The following SORCS1 variants were observed in gnomAD, a reference collection of about 807,000 sequenced individuals.
SORCS1 encodes sortilin related VPS10 domain containing receptor 1, also known as VPS10 domain-containing receptor SorCS1.
In SORCS1, 60 loss-of-function variants were observed where a neutral mutation model predicts 146.1. The ratio of observed to expected loss-of-function variants is 0.41; its 90% CI spans 0.33 to 0.51. The LOEUF (loss-of-function observed/expected upper bound fraction) is 0.51, where lower values mean the gene tolerates loss of function less well. Ranked by LOEUF, SORCS1 falls within the 20% of genes least tolerant of loss-of-function variation. SORCS1 has a pLI of 0.21. For synonymous variants in SORCS1, 637 were observed against 584.0 expected, an observed-to-expected ratio of 1.09 and a Z score of -1.31; for missense variants, 1,352 against 1,487.6, an observed-to-expected ratio of 0.91 and a Z score of 1.50.
intron 1 of SORCS1, among the ~76,000 whole-genome samples, chr10:107,095,693 G>A (rs1240824943): frequency 1.3e-5 from 2 of 151,992 alleles, no homozygotes; most frequent in Admixed American, 6.6e-5. Flanking sequence ...CACTCTATAT[G>A]TAAGGGCCAG....
At chr10:107,038,087 T>C (rs1958983013) in intron 1 of SORCS1, among the ~76,000 whole-genome samples, 1 of 152,174 alleles carries the variant, frequency 6.6e-6, no homozygotes, top group Non-Finnish European at 1.5e-5. Context: ...CCTCCCAGTG[T>C]GCTGGGATTA....
chr10:106,760,706 CACTA>C (rs879474291), intron 5 of SORCS1, among the ~76,000 whole-genome samples: 2,583 of 121,870 alleles, frequency 0.021, 43 homozygotes, highest in Admixed American at 0.061. Flanking sequence ...CACACACACA[CACTA>C]ACACACACAC....
At chr10:107,006,911 C>T (rs767688481) in intron 1 of SORCS1, among the ~76,000 whole-genome samples, 5 of 140,868 alleles carry the variant, frequency 3.5e-5, no homozygotes, top group Non-Finnish European at 5.9e-5. Context: ...TTTCATTTTT[C>T]AATGATTATA....
intron 1 of SORCS1, among the ~76,000 whole-genome samples, chr10:106,986,511 CGTGTGTGTGTGTGTGTGTGT>C (rs58888609): frequency 1.7e-4 from 25 of 148,426 alleles, no homozygotes; most frequent in African/African-American, 5.2e-4. Flanking sequence ...TATATACAAC[CGTGTGTGTGTGTGTGTGTGT>C]GTGTGTGTGT....
rs1846771936 is a variant in SORCS1, at chr10:106,608,723, A to G, written c.3034-1426T>C. 2.6e-5 allele frequency among the ~76,000 whole-genome samples: 4 copies of G among 152,334 alleles called. No individual in the cohort carries two copies. The East Asian group carries it at 7.7e-4, about 29-fold the overall frequency. ...TCCTCAGGAAGCTGACTCTGAGTTT[A>G]GCATGCAGGATGTTTACTAAGAAGT... On this transcript the variant is annotated intron_variant, in intron 22 of 25. Coordinates refer to ENST00000263054, the MANE Select transcript of SORCS1 (RefSeq NM_052918.5).
intron 21 of SORCS1, among the ~76,000 whole-genome samples, chr10:106,612,892 GTTC>G (rs908994691): frequency 2.3e-4 from 35 of 151,946 alleles, no homozygotes; most frequent in African/African-American, 8.2e-4. Flanking sequence ...TGCACACACC[GTTC>G]TTCTGCCTAG....
intron 18 of SORCS1, among the ~76,000 whole-genome samples, chr10:106,646,876 T>C (rs933942813): frequency 6.6e-6 from 1 of 151,516 alleles, no homozygotes; most frequent in Non-Finnish European, 1.5e-5. Flanking sequence ...GTGTCTCATT[T>C]GTCATAAAGT....
At position 107,164,110 on chromosome 10, in the gene SORCS1, C is replaced by G; in HGVS notation, c.417G>C (p.Glu139Asp). ...RGVLRDGGQQ[E>D]PGTRERDPDK... is the part of the protein sequence containing the mutation. ...CCGGGTCCCGCTCCCGAGTCCCAGG[C>G]TCCTGCTGCCCTCCATCTCTTAGCA... The change falls in exon 1 of 26, where the codon GAG becomes GAC. Residue 139 changes from glutamate (E) to aspartate (D), a missense_variant. By Grantham distance (45) the Glu-to-Asp change is conservative. Coordinates refer to ENST00000263054, the MANE Select transcript of SORCS1 (RefSeq NM_052918.5). The surrounding 1 kb of genome is among the most constrained non-coding windows in gnomAD (Gnocchi z 6.8). The G allele has an allele frequency of 6.2e-7, 1 of 1,613,880 alleles. No individual in the cohort carries two copies. The highest frequency in any genetic ancestry group is 1.1e-5 in the South Asian group (1 of 91,076).
At chr10:106,772,973 TG>T (rs1224135606) in intron 4 of SORCS1, among the ~76,000 whole-genome samples, 2 of 151,882 alleles carry the variant, frequency 1.3e-5, no homozygotes, top group Non-Finnish European at 2.9e-5. Context: ...GGAAAATAAA[TG>T]TGGCTATGTG....
At position 107,023,211 on chromosome 10, in the gene SORCS1, C is replaced by T. The variant is rs556305723; in HGVS notation, c.559-66631G>A. Among the ~76,000 whole-genome samples, 4 of 152,332 alleles carry T rather than the reference C, an allele frequency of 2.6e-5. No homozygotes were observed. The South Asian group carries it at 8.3e-4, about 32-fold the overall frequency. Reference sequence around the variant, plus strand: ...GCCACATGGTGTGCTATTGCAGAATCAGGACCCAACCCCAGGGCTTTTTAT... The same window carrying T: ...GCCACATGGTGTGCTATTGCAGAATTAGGACCCAACCCCAGGGCTTTTTAT... On this transcript the variant is annotated intron_variant, in intron 1 of 25. Transcript: ENST00000263054.
chr10:106,711,230 A>C (rs77724759), intron 6 of SORCS1, among the ~76,000 whole-genome samples: 2,901 of 152,306 alleles, frequency 0.019, 34 homozygotes, highest in Non-Finnish European at 0.03. Flanking sequence ...TTTTGAGTAT[A>C]AAAAAGGAGT....
At chr10:106,954,936 C>T (rs1954861989) in intron 2 of SORCS1, among the ~76,000 whole-genome samples, 1 of 152,362 alleles carries the variant, frequency 6.6e-6, no homozygotes, top group East Asian at 1.9e-4. Flanking sequence ...ACCCACCCAA[C>T]AGCGAGTGAG....
chr10:106,769,647 T>G (rs1859855362), intron 4 of SORCS1, among the ~76,000 whole-genome samples: 1 of 152,306 alleles, frequency 6.6e-6, no homozygotes, highest in Middle Eastern at 3.4e-3. Flanking sequence ...GAACTAAAAT[T>G]AGTTCTTTTT....
intron 17 of SORCS1, among the ~76,000 whole-genome samples, chr10:106,665,308 G>A (rs940763272): frequency 3.3e-5 from 5 of 151,838 alleles, no homozygotes; most frequent in Admixed American, 6.6e-5. Context: ...GCTTTGTCAA[G>A]TAAAACTGGC....
chr10:107,032,278 G>A (rs561602602), intron 1 of SORCS1, among the ~76,000 whole-genome samples: 2 of 152,214 alleles, frequency 1.3e-5, no homozygotes, highest in East Asian at 3.9e-4. Flanking sequence ...GCAAAAAAGG[G>A]GAAGTTATTA....
At chr10:106,835,394 T>C (rs569699049) in intron 2 of SORCS1, among the ~76,000 whole-genome samples, 1 of 152,366 alleles carries the variant, frequency 6.6e-6, no homozygotes, top group African/African-American at 2.4e-5. Context: ...CATTTTTTTC[T>C]TGATTGTTTT....
chr10:106,761,406 A>G (rs1859099415), intron 5 of SORCS1, among the ~76,000 whole-genome samples, 182 bp downstream of exon 5: 1 of 152,204 alleles, frequency 6.6e-6, no homozygotes, highest in African/African-American at 2.4e-5. Flanking sequence ...ACATTTTTTA[A>G]CATTCTCTTA....
intron 2 of SORCS1, among the ~76,000 whole-genome samples, chr10:106,877,801 A>G (rs1309611251): frequency 6.6e-6 from 1 of 152,172 alleles, no homozygotes; most frequent in Non-Finnish European, 1.5e-5. Context: ...GGTGCAGAGA[A>G]GAGAGGCAAT....
intron 4 of SORCS1, among the ~76,000 whole-genome samples, chr10:106,764,560 G>A (rs928901916): frequency 6.6e-6 from 1 of 152,146 alleles, no homozygotes; most frequent in Admixed American, 6.6e-5. Flanking sequence ...TCAGAACACG[G>A]AACTGAGAAC....
Sources: allele counts gnomAD v4.1 joint callset (sites outside exome capture counted in the v4.1 genomes callset), GRCh38; gene constraint gnomAD v4.1.1; non-coding constraint Gnocchi (gnomAD v3.1); transcripts MANE v1.5; gene names NCBI Gene and HGNC (gene_info 2026-07-23, HGNC 2026-07-21).